Variants in ZSCAN25 observed in about 807,000 individuals in gnomAD.
ZSCAN25 encodes the protein zinc finger and SCAN domain-containing protein 25.
In ZSCAN25, 27 loss-of-function variants were observed where a neutral mutation model predicts 38.7. That is an observed-to-expected ratio of 0.70 (90% CI 0.51 to 0.96). The LOEUF is 0.96. Among genes scored for constraint, ZSCAN25 ranks in the 40% least tolerant of loss-of-function variants. The pLI is 0.00. For missense variants in ZSCAN25, 637 were observed against 705.9 expected (o/e 0.90, Z 1.11); for synonymous variants, 273 against 277.7 (o/e 0.98, Z 0.17).
chr7:99,629,448 A>C lies in ZSCAN25; in HGVS notation c.1063A>C (p.Lys355Gln). Reference sequence around the variant, plus strand: ...GCCTTTCCAGTGCCCTGAGTGTGGGAAAGGATTCAGTCGGAGCTCCAATCT... The same window carrying C: ...GCCTTTCCAGTGCCCTGAGTGTGGGCAAGGATTCAGTCGGAGCTCCAATCT... Reference protein sequence around the residue: ...WKPFQCPECGKGFSRSSNLVR... With the variant: ...WKPFQCPECGQGFSRSSNLVR... The change falls in exon 8 of 8, where the codon AAA becomes CAA. Residue 355 changes from lysine (K) to glutamine (Q), a missense_variant. Lys to Gln is a moderately conservative substitution (Grantham distance 53). Transcript: ENST00000394152. This position sits in a 1 kb window ranked among gnomAD's most constrained non-coding sequence, Gnocchi z 5.6. The C allele has an allele frequency of 6.2e-7, 1 of 1,614,212 alleles. No individual in the cohort carries two copies. Among genetic ancestry groups the C allele is most frequent in the Non-Finnish European group, 8.5e-7 (1 of 1,180,020 alleles).
intron 7 of ZSCAN25, among the ~76,000 whole-genome samples, chr7:99,628,034 T>C (rs1249363227): frequency 1.3e-5 from 2 of 151,996 alleles, no homozygotes; most frequent in Admixed American, 1.3e-4. Flanking sequence ...GGAGGGTCAC[T>C]TGAGCCCAGG....
chr7:99,631,566 C>CA lies in ZSCAN25; in HGVS notation c.*1550dup. 1 of 985,310 alleles carries CA rather than the reference C, an allele frequency of 1.0e-6. No homozygotes were observed. Among genetic ancestry groups the CA allele is most frequent in the Non-Finnish European group, 1.2e-6 (1 of 829,908 alleles). 61.0% of individuals were successfully genotyped at this position (985,310 alleles called of 1,614,324 possible). A position where few individuals can be genotyped will look rare whatever the true frequency, so the allele number is the denominator to read the frequency against. Reference sequence around the variant, plus strand: ...CTTTGTTGATAGTGTCCTATAATTGCAAAATGTGGTTTGTCTTCTGATGCC... The same window carrying CA: ...CTTTGTTGATAGTGTCCTATAATTGCAAAAATGTGGTTTGTCTTCTGATGCC... On this transcript the variant is annotated 3_prime_UTR_variant, in exon 8 of 8. Coordinates refer to ENST00000394152, the MANE Select transcript of ZSCAN25 (RefSeq NM_145115.3).
chr7:99,676,322 AAAT>A, the ZSCAN25 span: 1 of 1,568,380 alleles, frequency 6.4e-7, no homozygotes, highest in African/African-American at 1.4e-5. Context: ...TGTACACGAT[AAAT>A]AATAACAGCA....
At chr7:99,649,614 G>C in the ZSCAN25 span, among the ~76,000 whole-genome samples, 2 of 152,146 alleles carry the variant, frequency 1.3e-5, no homozygotes, top group Non-Finnish European at 2.9e-5. Context: ...GGGTTAATTA[G>C]TTTAGAATTT....
the ZSCAN25 span, chr7:99,705,655 G>A: frequency 6.3e-7 from 1 of 1,589,918 alleles, no homozygotes; most frequent in South Asian, 1.1e-5. Flanking sequence ...AGAAAGTATA[G>A]CATCAAAGTA....
the ZSCAN25 span, chr7:99,666,920 A>G: frequency 3.7e-6 from 6 of 1,609,734 alleles, no homozygotes; most frequent in Non-Finnish European, 5.1e-6. Flanking sequence ...CATTCTTTAC[A>G]TTTCTAATTA....
chr7:99,671,916 C>G, the ZSCAN25 span: 3 of 695,606 alleles, frequency 4.3e-6, no homozygotes, highest in Non-Finnish European at 2.6e-6. Context: ...TACCCACACA[C>G]ATAAACACAC....
the ZSCAN25 span, among the ~76,000 whole-genome samples, chr7:99,691,543 G>T: frequency 6.6e-6 from 1 of 152,102 alleles, no homozygotes; most frequent in Non-Finnish European, 1.5e-5. Context: ...TCTCTTTATA[G>T]GTCTCTAAGG....
chr7:99,621,788 T>A (rs929814865), intron 5 of ZSCAN25: 5 of 394,814 alleles, frequency 1.3e-5, no homozygotes, highest in African/African-American at 6.2e-5. Flanking sequence ...TCTGGGATCA[T>A]GCTTTCTTAT....
chr7:99,717,193 G>C, the ZSCAN25 span: 3 of 1,613,900 alleles, frequency 1.9e-6, no homozygotes, highest in Admixed American at 5.0e-5. Flanking sequence ...AAGGTGACAG[G>C]CTTGCCTGTC....
chr7:99,690,606 A>AAC, the ZSCAN25 span, among the ~76,000 whole-genome samples: 5 of 152,036 alleles, frequency 3.3e-5, no homozygotes, highest in Middle Eastern at 3.2e-3. Flanking sequence ...ACAAGAAAAA[A>AAC]ACAACCCCAT....
the ZSCAN25 span, chr7:99,663,054 T>C: frequency 7.4e-7 from 1 of 1,351,750 alleles, no homozygotes. Flanking sequence ...ATCTAAATCC[T>C]TGGAAAGCAG....
the ZSCAN25 span, chr7:99,672,005 A>G: frequency 3.4e-6 from 2 of 587,704 alleles, no homozygotes; most frequent in Non-Finnish European, 6.0e-6. Context: ...GTACTATAGT[A>G]TTAGGTTGGT....
In ZSCAN25 at chr7:99,632,079, G is replaced by A; in HGVS notation, c.*2059G>A. ...CACAGATGCTCTTTTGTCATACACA[G>A]CCAGCATTCCTCTGGGTTTCAGCAA... On this transcript the variant is annotated 3_prime_UTR_variant, in exon 8 of 8. Coordinates refer to ENST00000394152, the MANE Select transcript of ZSCAN25 (RefSeq NM_145115.3). 1 of 985,436 alleles carries A rather than the reference G, an allele frequency of 1.0e-6. No homozygotes were observed. Among genetic ancestry groups the A allele is most frequent in the Non-Finnish European group, 1.2e-6 (1 of 829,956 alleles). 61.0% of individuals were successfully genotyped at this position (985,436 alleles called of 1,614,324 possible).
chr7:99,622,470 A>G, intron 5 of ZSCAN25, 79 bp from the exon 6 acceptor site: 1 of 1,308,600 alleles, frequency 7.6e-7, no homozygotes, highest in East Asian at 2.3e-5. Flanking sequence ...AGCATCTGGT[A>G]GGGGACACAT....
chr7:99,725,100 G>A, the ZSCAN25 span, among the ~76,000 whole-genome samples: 1 of 151,976 alleles, frequency 6.6e-6, no homozygotes, highest in African/African-American at 2.4e-5. Context: ...CTAGTCAAGG[G>A]GTTCAAAAAA....
At chr7:99,673,295 C>G in the ZSCAN25 span, among the ~76,000 whole-genome samples, 1 of 152,276 alleles carries the variant, frequency 6.6e-6, no homozygotes, top group Non-Finnish European at 1.5e-5. Flanking sequence ...AAGCTTTCTC[C>G]CACTTGCTTC....
chr7:99,735,165 G>A, the ZSCAN25 span: 24 of 1,594,044 alleles, frequency 1.5e-5, no homozygotes, highest in Non-Finnish European at 1.9e-5. Context: ...GCTGGGCTGT[G>A]TGTGTGGAGC....
rs1806738224 is a variant in ZSCAN25 at position 99,619,416 on chromosome 7, A to T, written c.-46-145A>T. 6.3e-6 allele frequency: 4 copies of T among 636,606 alleles called. No individual in the cohort carries two copies. The South Asian group carries it at 8.6e-5, about 14-fold the overall frequency. 39.4% of individuals were successfully genotyped at this position (636,606 alleles called of 1,614,324 possible). A position where few individuals can be genotyped will look rare whatever the true frequency, so the allele number is the denominator to read the frequency against. On this transcript the variant is annotated intron_variant, in intron 3 of 7. Coordinates refer to ENST00000394152, the MANE Select transcript of ZSCAN25 (RefSeq NM_145115.3). Reference sequence around the variant, plus strand: ...TGCTTAGCAAATGATTACTATGTTGAATTGACCTGACTTTTGGGATCTGTG... The same window carrying T: ...TGCTTAGCAAATGATTACTATGTTGTATTGACCTGACTTTTGGGATCTGTG...
Sources: allele counts gnomAD v4.1 joint callset (sites outside exome capture counted in the v4.1 genomes callset), GRCh38; gene constraint gnomAD v4.1.1; non-coding constraint Gnocchi (gnomAD v3.1); transcripts MANE v1.5; gene names NCBI Gene and HGNC (gene_info 2026-07-23, HGNC 2026-07-21).